The following POMT1 variants were observed in gnomAD, a reference collection of about 807,000 sequenced individuals.
POMT1 encodes the protein protein O-mannosyltransferase 1.
In POMT1, 85 loss-of-function variants were observed where a neutral mutation model predicts 101.6. The observed-to-expected ratio is 0.84, with a 90% CI of 0.70 to 1.00. The LOEUF is 1.00. POMT1 is among the 50% of genes least tolerant of loss of function. The pLI is 0.00. For missense variants in POMT1, 857 were observed against 930.4 expected (o/e 0.92, Z 1.03); for synonymous variants, 371 against 383.0 (o/e 0.97, Z 0.37).
intron 10 of POMT1, 178 bp downstream of exon 10, chr9:131,511,645 T>C (rs1014241928): frequency 1.2e-6 from 1 of 842,192 alleles, no homozygotes; most frequent in Non-Finnish European, 1.9e-6. Flanking sequence ...TGGAGGGACT[T>C]GGCGTGTGGC....
intron 6 of POMT1, 22 bp downstream of exon 6, chr9:131,509,044 C>T (rs1946489652): frequency 6.6e-7 from 1 of 1,522,128 alleles, no homozygotes; most frequent in Non-Finnish European, 9.1e-7. Flanking sequence ...GGAGTGTCTT[C>T]CTAGTTAACG....
chr9:131,507,572 G>A lies in POMT1; in HGVS notation c.427+58G>A. The A allele has an allele frequency of 4.4e-6, 7 of 1,608,994 alleles. 1 individual carries two copies. In the South Asian group the frequency reaches 7.7e-5, roughly 18 times the overall value. ...CATGCAGGGAAGAACTGACCCTTTG[G>A]CCCGGAAGATCACATGGGCTTGGTG... On this transcript the variant is annotated intron_variant, in intron 5 of 19. Coordinates refer to ENST00000402686, the MANE Select transcript of POMT1 (RefSeq NM_001077365.2).
chr9:131,514,792 C>T (rs1947929897), intron 12 of POMT1, among the ~76,000 whole-genome samples: 1 of 152,162 alleles, frequency 6.6e-6, no homozygotes, highest in Non-Finnish European at 1.5e-5. Flanking sequence ...CCCGTCTCTA[C>T]TAAAAATACA....
intron 6 of POMT1, among the ~76,000 whole-genome samples, chr9:131,509,307 T>C (rs977804747): frequency 6.6e-6 from 1 of 152,076 alleles, no homozygotes; most frequent in African/African-American, 2.4e-5. Flanking sequence ...CACAGCACCA[T>C]GTCTGGCTAA....
intron 10 of POMT1, 42 bp from the exon 11 acceptor site, chr9:131,511,999 C>T (rs1158423529): frequency 6.2e-7 from 1 of 1,609,890 alleles, no homozygotes; most frequent in South Asian, 1.1e-5. Flanking sequence ...GCCTGAGCCA[C>T]CGCGCCTGGC....
At position 131,513,305 on chromosome 9, in the gene POMT1, C is replaced by T. The variant is rs202121299; in HGVS notation, c.1149C>T (p.His383=). 622 of 1,612,608 alleles carry T rather than the reference C, an allele frequency of 3.9e-4. 5 individuals carry two copies. The highest frequency in any genetic ancestry group is 3.6e-3 in the South Asian group (330 of 91,048). The change falls in exon 12 of 20, where the codon CAC becomes CAT. Residue 383 remains histidine (H), a synonymous_variant. Transcript: ENST00000402686. ...VRHGDMVQLV[H]GMTTRSLNTH... is the part of the protein sequence containing the mutation. Reference sequence around the variant, plus strand: ...ACGGGGACATGGTGCAGCTGGTCCACGGCATGACCACCCGCTCCCTGAACA... The same window carrying T: ...ACGGGGACATGGTGCAGCTGGTCCATGGCATGACCACCCGCTCCCTGAACA...
chr9:131,510,268 G>A lies in POMT1; in HGVS notation c.708G>A (p.Val236=), dbSNP rs371535686. The part of the protein sequence containing the change: ...LGDQTLSNVC[V]FCHLLARAVA... ...CTTTGAATCTCTGGCAGGTCTGTGT[G>A]TTCTGTCACTTGCTCGCCCGAGCAG... The change falls in exon 9 of 20, where the codon GTG becomes GTA. Residue 236 remains valine, a synonymous_variant. Transcript: ENST00000402686. 1.2e-6 allele frequency: 2 copies of A among 1,614,246 alleles called. No individual in the cohort carries two copies. Among genetic ancestry groups the A allele is most frequent in the Non-Finnish European group, 1.7e-6 (2 of 1,180,048 alleles).
intron 5 of POMT1, among the ~76,000 whole-genome samples, chr9:131,508,677 C>T (rs545910925): frequency 7.2e-5 from 11 of 152,254 alleles, no homozygotes; most frequent in African/African-American, 2.4e-4. Flanking sequence ...CCAGCCTGGG[C>T]GACAGAGCAA....
chr9:131,520,803 A>G (rs181695576), intron 17 of POMT1, among the ~76,000 whole-genome samples: 54 of 152,274 alleles, frequency 3.5e-4, no homozygotes, highest in African/African-American at 8.7e-4. Flanking sequence ...TCAGTTTCCA[A>G]TTACAAAATT....
In POMT1 at chr9:131,523,211, G is replaced by A. The variant is rs886063539; in HGVS notation, c.*105G>A. 206 of 1,422,940 alleles carry A rather than the reference G, an allele frequency of 1.4e-4. 1 individual carries two copies. Among genetic ancestry groups the A allele is most frequent in the Middle Eastern group, 2.4e-4 (1 of 4,208 alleles). The allele number at this position is 1,422,940 out of a possible 1,614,324, so 88.1% of individuals were successfully genotyped here. ...GGTGGGCCCCACGCTGGGAGGACACGGGCTGGGCTGAGCAGGGCCTCTAGT... is the reference window on the plus strand; with the variant it reads ...GGTGGGCCCCACGCTGGGAGGACACAGGCTGGGCTGAGCAGGGCCTCTAGT... On this transcript the variant is annotated 3_prime_UTR_variant, in exon 20 of 20. Transcript: ENST00000402686.
chr9:131,511,237 C>G, intron 9 of POMT1, 100 bp from the exon 10 acceptor site: 1 of 1,330,348 alleles, frequency 7.5e-7, no homozygotes, highest in Non-Finnish European at 1.0e-6. Flanking sequence ...GGCCACCAGC[C>G]TAAACATCAC....
At position 131,503,439 on chromosome 9, in the gene POMT1, G is replaced by A. The variant is rs1945015234; in HGVS notation, c.-31+366G>A. 6.4e-6 allele frequency: 1 copy of A among 156,302 alleles called. No homozygotes were observed. The highest frequency in any genetic ancestry group is 2.4e-5 in the African/African-American group (1 of 41,490). The allele number at this position is 156,302 out of a possible 1,614,324, so 9.7% of individuals were successfully genotyped here. On this transcript the variant is annotated intron_variant, in intron 1 of 19. Transcript: ENST00000402686. This position sits in a 1 kb window ranked among gnomAD's most constrained non-coding sequence, Gnocchi z 4.4. ...GGGGAGAGGAGGCACTCCCAGGACA[G>A]ATGGGACCTTTTGGGACGAAGGCGC... is the stretch of plus-strand genomic sequence containing the variant.
At chr9:131,505,973 A>G in intron 2 of POMT1, 141 bp from the exon 3 acceptor site, 1 of 1,174,010 alleles carries the variant, frequency 8.5e-7, no homozygotes, top group South Asian at 1.4e-5. Context: ...GGGGATGGGA[A>G]ACAATTGGGG....
At position 131,522,908 on chromosome 9, in the gene POMT1, C is replaced by G; in HGVS notation, c.2004-24C>G. Reference sequence around the variant, plus strand: ...AAGCCGCAGTGGTCAGCCACCCTCCCCCACGCTGCTCTGACCTCTGCAGGT... The same window carrying G: ...AAGCCGCAGTGGTCAGCCACCCTCCGCCACGCTGCTCTGACCTCTGCAGGT... On this transcript the variant is annotated intron_variant, in intron 19 of 19. Transcript: ENST00000402686. The surrounding 1 kb of genome is among the most constrained non-coding windows in gnomAD (Gnocchi z 5.5). 6.4e-7 allele frequency: 1 copy of G among 1,566,836 alleles called. No individual in the cohort carries two copies.
chr9:131,506,811 G>C, intron 4 of POMT1: 1 of 354,336 alleles, frequency 2.8e-6, no homozygotes, highest in South Asian at 2.4e-5. Context: ...GCTCACGCCT[G>C]TAATCCTGGC....
rs189771852 is a variant in POMT1 at position 131,522,356 on chromosome 9, G to A, written c.2003+132G>A. 2.1e-4 allele frequency: 322 copies of A among 1,503,996 alleles called. No homozygotes were observed. The Admixed American group carries it at 3.7e-3, about 17-fold the overall frequency. The allele number at this position is 1,503,996 out of a possible 1,614,324, so 93.2% of individuals were successfully genotyped here. ...ACACTGACATCCTCCGGGTCCCTCC[G>A]GGGAATGGGTGAGGTTCAGAAGAGA... On this transcript the variant is annotated intron_variant, in intron 19 of 19. Coordinates refer to ENST00000402686, the MANE Select transcript of POMT1 (RefSeq NM_001077365.2). This position sits in a 1 kb window ranked among gnomAD's most constrained non-coding sequence, Gnocchi z 5.5.
At chr9:131,515,846 AG>A (rs1948326854) in intron 13 of POMT1, among the ~76,000 whole-genome samples, 1 of 123,328 alleles carries the variant, frequency 8.1e-6, no homozygotes, top group African/African-American at 3.0e-5. Flanking sequence ...CCTCACACGG[AG>A]CACTTCCTCA....
At chr9:131,512,225 TTCCC>T in intron 11 of POMT1, 89 bp downstream of exon 11, 1 of 1,551,998 alleles carries the variant, frequency 6.4e-7, no homozygotes, top group Non-Finnish European at 8.7e-7. Context: ...GCCCCCTTCT[TTCCC>T]TCCCTCACTG....
chr9:131,506,801 G>T, intron 4 of POMT1: 1 of 359,620 alleles, frequency 2.8e-6, no homozygotes, highest in Non-Finnish European at 5.3e-6. Context: ...GGGCGCGCTG[G>T]CTCACGCCTG....
Sources: gnomAD v4.1 joint callset for allele counts (sites outside exome capture counted in the v4.1 genomes callset) on GRCh38, gnomAD v4.1.1 for gene constraint, Gnocchi (gnomAD v3.1) non-coding constraint, MANE v1.5 for transcripts, NCBI Gene and HGNC (gene_info 2026-07-23, HGNC 2026-07-21) for gene names.